GRM7: variants seen among roughly 807,000 people sequenced by gnomAD.
GRM7 encodes glutamate metabotropic receptor 7.
In GRM7, 35 loss-of-function variants were observed where a neutral mutation model predicts 84.5. The ratio of observed to expected loss-of-function variants is 0.41; its 90% CI spans 0.32 to 0.55. The LOEUF (loss-of-function observed/expected upper bound fraction) is 0.55. GRM7 is among the 20% of genes least tolerant of loss of function. The pLI is 0.19. For missense variants in GRM7, 1,003 were observed against 1,194.6 expected (o/e 0.84, Z 2.36); for synonymous variants, 487 against 455.1 (o/e 1.07, Z -0.89).
At chr3:7,067,197 A>C (rs1328048614) in intron 1 of GRM7, among the ~76,000 whole-genome samples, 1 of 152,000 alleles carries the variant, frequency 6.6e-6, no homozygotes, top group Non-Finnish European at 1.5e-5. Context: ...AAAGAAATAA[A>C]GGGTATCCAA....
intron 7 of GRM7, among the ~76,000 whole-genome samples, chr3:7,526,386 G>GT (rs1226825952): frequency 1.3e-5 from 2 of 151,330 alleles, no homozygotes; most frequent in African/African-American, 2.4e-5. Context: ...ACTTTTTAAT[G>GT]TTTTTTTCCT....
intron 1 of GRM7, among the ~76,000 whole-genome samples, chr3:7,085,613 G>A (rs534217840): frequency 1.1e-4 from 16 of 152,252 alleles, no homozygotes; most frequent in Admixed American, 4.6e-4. Flanking sequence ...CTTCAAAAGC[G>A]AGCAAAGATC....
At chr3:7,099,878 G>A (rs569657783) in intron 1 of GRM7, among the ~76,000 whole-genome samples, 11 of 136,790 alleles carry the variant, frequency 8.0e-5, no homozygotes, top group East Asian at 4.2e-4. Context: ...ATATGTACAC[G>A]CATTATACAT....
intron 7 of GRM7, among the ~76,000 whole-genome samples, chr3:7,526,487 T>C (rs1700812154): frequency 6.6e-6 from 1 of 152,112 alleles, no homozygotes; most frequent in Non-Finnish European, 1.5e-5. Context: ...GTTGTCTGTT[T>C]ACTCCATTGG....
chr3:6,963,252 G>C (rs1693370325), intron 1 of GRM7, among the ~76,000 whole-genome samples: 2 of 152,154 alleles, frequency 1.3e-5, no homozygotes, highest in South Asian at 4.1e-4. Context: ...AAACTCAGAA[G>C]TTTTAGGTTC....
At position 7,102,997 on chromosome 3, in the gene GRM7, C is replaced by G. The variant is rs115706868; in HGVS notation, c.520-43455C>G. 6.1e-3 allele frequency among the ~76,000 whole-genome samples: 922 copies of G among 151,612 alleles called. 11 individuals are homozygous for G. The highest frequency in any genetic ancestry group is 0.021 in the African/African-American group (878 of 41,400). ...TAAGGCTTCAATATATTTATAATAC[C>G]TGCTCTACACATTTTTCTTGCTAAT... On this transcript the variant is annotated intron_variant, in intron 1 of 9. Coordinates refer to ENST00000357716, the MANE Select transcript of GRM7 (RefSeq NM_000844.4).
intron 4 of GRM7, among the ~76,000 whole-genome samples, chr3:7,366,226 A>G (rs961781057): frequency 6.6e-6 from 1 of 151,808 alleles, no homozygotes; most frequent in Admixed American, 6.6e-5. Flanking sequence ...GGATTCTACT[A>G]TCTTCTGTAA....
Position 7,376,523 on chromosome 3 carries a change from C to G in GRM7, c.1034-38500C>G, listed in dbSNP as rs1694357800. Among the ~76,000 whole-genome samples, 3 of 152,302 alleles carry G rather than the reference C, an allele frequency of 2.0e-5. No homozygotes were observed. In the South Asian group the frequency reaches 6.2e-4, roughly 32 times the overall value. ...CTTCCTGAGAACACATATATGGAGC[C>G]TTCAACAATCTGTGGGTTGAGGTTA... On this transcript the variant is annotated intron_variant, in intron 4 of 9. Transcript: ENST00000357716.
At chr3:7,563,495 A>G (rs1559405127) in intron 7 of GRM7, among the ~76,000 whole-genome samples, 1 of 152,216 alleles carries the variant, frequency 6.6e-6, no homozygotes, top group East Asian at 1.9e-4. Flanking sequence ...AAATGCTAAG[A>G]GATTTCAAAC....
chr3:6,893,723 A>C (rs1056100347), intron 1 of GRM7, among the ~76,000 whole-genome samples: 2 of 152,204 alleles, frequency 1.3e-5, no homozygotes, highest in Non-Finnish European at 2.9e-5. Flanking sequence ...TTAATAAAGC[A>C]ATTTCCTTAC....
At chr3:7,558,310 A>G (rs1693863520) in intron 7 of GRM7, among the ~76,000 whole-genome samples, 1 of 152,160 alleles carries the variant, frequency 6.6e-6, no homozygotes, top group African/African-American at 2.4e-5. Flanking sequence ...TGGATGTTCA[A>G]TAATTATTAT....
chr3:7,355,438 G>T (rs1267101594), intron 4 of GRM7, among the ~76,000 whole-genome samples: 1 of 152,136 alleles, frequency 6.6e-6, no homozygotes, highest in East Asian at 1.9e-4. Flanking sequence ...CATGGTGCTT[G>T]TAGTGTCAGT....
At chr3:7,401,201 G>A (rs1301310898) in intron 4 of GRM7, among the ~76,000 whole-genome samples, 1 of 152,106 alleles carries the variant, frequency 6.6e-6, no homozygotes, top group Non-Finnish European at 1.5e-5. Context: ...AATCCCTGGT[G>A]ACTAAAATGA....
At chr3:7,128,388 G>A (rs1693473776) in intron 1 of GRM7, among the ~76,000 whole-genome samples, 1 of 151,616 alleles carries the variant, frequency 6.6e-6, no homozygotes, top group Non-Finnish European at 1.5e-5. Context: ...GCCTCACGAT[G>A]AAAGGTCTGA....
intron 7 of GRM7, among the ~76,000 whole-genome samples, chr3:7,560,104 T>A (rs1354179136): frequency 6.6e-6 from 1 of 152,044 alleles, no homozygotes; most frequent in Non-Finnish European, 1.5e-5. Context: ...ACTATCAGGC[T>A]TTACCCTTAA....
At chr3:7,216,277 C>T (rs1344943373) in intron 2 of GRM7, among the ~76,000 whole-genome samples, 2 of 152,154 alleles carry the variant, frequency 1.3e-5, no homozygotes, top group African/African-American at 4.8e-5. Context: ...TTTGCTACAT[C>T]ACCATCATCA....
intron 1 of GRM7, among the ~76,000 whole-genome samples, chr3:7,021,045 G>A (rs1271134339): frequency 1.3e-5 from 2 of 152,070 alleles, no homozygotes; most frequent in Non-Finnish European, 2.9e-5. Context: ...AATAAACCCT[G>A]CCAGATTATG....
At chr3:7,671,083 G>C (rs895721977) in intron 8 of GRM7, among the ~76,000 whole-genome samples, 3 of 152,182 alleles carry the variant, frequency 2.0e-5, no homozygotes, top group African/African-American at 7.2e-5. Context: ...GGCTACATAA[G>C]AGAGTAAAAT....
rs1490989882 is a variant in GRM7 at position 7,015,746 on chromosome 3, T to C, written c.520-130706T>C. ...CCCTCTTTCCCTGCCAGCTGTTCTTTGACAGGTGAACCACTGCATAGGAAT... is the reference window on the plus strand; with the variant it reads ...CCCTCTTTCCCTGCCAGCTGTTCTTCGACAGGTGAACCACTGCATAGGAAT... On this transcript the variant is annotated intron_variant, in intron 1 of 9. Transcript: ENST00000357716. Among the ~76,000 whole-genome samples, 4 of 152,312 alleles carry C rather than the reference T, an allele frequency of 2.6e-5. No homozygotes were observed. The South Asian group carries it at 6.2e-4, about 24-fold the overall frequency.
Sources: gnomAD v4.1 joint callset for allele counts (sites outside exome capture counted in the v4.1 genomes callset) on GRCh38, gnomAD v4.1.1 for gene constraint, MANE v1.5 for transcripts, NCBI Gene and HGNC (gene_info 2026-07-23, HGNC 2026-07-21) for gene names.